MICAL2: variants seen among roughly 807,000 people sequenced by gnomAD.
MICAL2 encodes the protein microtubule associated monooxygenase, calponin and LIM domain containing 2, also known as [F-actin]-monooxygenase MICAL2.
MICAL2 carries 77 observed loss-of-function variants against 127.3 expected under a neutral mutation model. The ratio of observed to expected loss-of-function variants is 0.60; its 90% CI spans 0.50 to 0.73. The LOEUF (loss-of-function observed/expected upper bound fraction) is 0.73, where lower values mean the gene tolerates loss of function less well. Ranked by LOEUF, MICAL2 falls within the 30% of genes least tolerant of loss-of-function variation. MICAL2 has a pLI of 0.00. For synonymous variants in MICAL2, 570 were observed against 551.1 expected, an observed-to-expected ratio of 1.03 and a Z score of -0.48; for missense variants, 1,351 against 1,434.4, an observed-to-expected ratio of 0.94 and a Z score of 0.94.
intron 15 of MICAL2, among the ~76,000 whole-genome samples, chr11:12,230,335 T>C (rs1257948520): frequency 6.6e-6 from 1 of 152,112 alleles, no homozygotes; most frequent in Admixed American, 6.6e-5. Context: ...CAATTACACA[T>C]CTGTACATAA....
chr11:12,143,736 G>A (rs1030687954), intron 2 of MICAL2, among the ~76,000 whole-genome samples: 1 of 152,168 alleles, frequency 6.6e-6, no homozygotes, highest in African/African-American at 2.4e-5. Context: ...TCCAGACAGG[G>A]TCACATAATA....
chr11:12,273,543 T>C (rs1404751777), upstream of MICAL2, among the ~76,000 whole-genome samples: 1 of 93,518 alleles, frequency 1.1e-5, no homozygotes, highest in African/African-American at 3.7e-5. Context: ...GCTGCAGACA[T>C]GTTTTTTTTT....
chr11:12,203,623 A>G, intron 3 of MICAL2, among the ~76,000 whole-genome samples: 1 of 152,150 alleles, frequency 6.6e-6, no homozygotes, highest in East Asian at 1.9e-4. Flanking sequence ...TATTTTTATT[A>G]TTGAGTTGTG....
intron 26 of MICAL2, 110 bp from the exon 27 acceptor site, chr11:12,262,370 A>G: frequency 6.4e-7 from 1 of 1,570,296 alleles, no homozygotes; most frequent in Non-Finnish European, 8.6e-7. Context: ...TCGTGGCCTT[A>G]TTTTCAACTC....
chr11:12,172,427 G>A (rs1030404757), intron 3 of MICAL2, among the ~76,000 whole-genome samples: 10 of 152,194 alleles, frequency 6.6e-5, no homozygotes, highest in Admixed American at 1.3e-4. Context: ...CGATGATTGA[G>A]CTGAGGAAGA....
chr11:12,279,917 A>G (rs1361268413), intron 1 of MICAL2, among the ~76,000 whole-genome samples: 2 of 152,246 alleles, frequency 1.3e-5, no homozygotes, highest in Non-Finnish European at 2.9e-5. Flanking sequence ...GGTCTGCCAT[A>G]GACACAGGTG....
intron 1 of MICAL2, among the ~76,000 whole-genome samples, chr11:12,127,218 T>TA (rs2133519665): frequency 6.6e-6 from 1 of 152,312 alleles, no homozygotes; most frequent in South Asian, 2.1e-4. Flanking sequence ...CATTTCAGTC[T>TA]AGGCATCTCT....
At chr11:12,250,453 G>A (rs1861395021) in intron 22 of MICAL2, among the ~76,000 whole-genome samples, 2 of 152,226 alleles carry the variant, frequency 1.3e-5, no homozygotes, top group African/African-American at 2.4e-5. Flanking sequence ...TCTTTCAGGA[G>A]TCTTTTCCTC....
At chr11:12,192,300 C>G (rs1187740647) in intron 3 of MICAL2, among the ~76,000 whole-genome samples, 1 of 152,172 alleles carries the variant, frequency 6.6e-6, no homozygotes, top group Admixed American at 6.5e-5. Flanking sequence ...TCCTGGGCAC[C>G]CAGGCTCCAG....
At chr11:12,124,563 C>G (rs1398875543) in intron 1 of MICAL2, among the ~76,000 whole-genome samples, 3 of 152,220 alleles carry the variant, frequency 2.0e-5, no homozygotes, top group African/African-American at 7.2e-5. Flanking sequence ...GGCAGCTTAG[C>G]ATCTCATCTG....
In MICAL2 at chr11:12,136,434, G is replaced by A. The variant is rs139036483; in HGVS notation, c.-148-1956G>A. ...TACAGGGTTGCTGGGAGGATTAGCT[G>A]AGGTAGCAGTGTTAACTACCCAAGG... is the stretch of plus-strand genomic sequence containing the variant. On this transcript the variant is annotated intron_variant, in intron 1 of 27. Transcript: ENST00000683283. Among the ~76,000 whole-genome samples the A allele has an allele frequency of 8.6e-3, 1,309 of 152,286 alleles. 9 individuals are homozygous for A. The highest frequency in any genetic ancestry group is 0.014 in the Non-Finnish European group (942 of 68,028).
intron 3 of MICAL2, among the ~76,000 whole-genome samples, chr11:12,163,033 C>A (rs1467028581): frequency 1.3e-5 from 2 of 152,210 alleles, no homozygotes; most frequent in Non-Finnish European, 2.9e-5. Flanking sequence ...CTGTCTCTTT[C>A]TCTTCCTCCT....
At chr11:12,358,149 G>A (rs577369947) in intron 34 of MICAL2, 94 of 706,348 alleles carry the variant, frequency 1.3e-4, no homozygotes, top group African/African-American at 1.1e-3. Context: ...CTCTAAGGGC[G>A]GTTCCTTGGT....
chr11:12,226,650 G>GT (rs1565201913), intron 14 of MICAL2, among the ~76,000 whole-genome samples: 4 of 122,012 alleles, frequency 3.3e-5, no homozygotes, highest in Non-Finnish European at 6.4e-5. Context: ...GTTTGTTTTT[G>GT]GTTTTTTTTT....
chr11:12,176,300 T>A (rs142395104), intron 3 of MICAL2, among the ~76,000 whole-genome samples: 9 of 152,276 alleles, frequency 5.9e-5, no homozygotes, highest in South Asian at 2.1e-4. Flanking sequence ...TATTGTGTGA[T>A]CTTGTATCTT....
chr11:12,201,789 A>G (rs895012188), intron 3 of MICAL2, among the ~76,000 whole-genome samples: 3 of 152,196 alleles, frequency 2.0e-5, no homozygotes, highest in Non-Finnish European at 2.9e-5. Flanking sequence ...CCAAATGCCA[A>G]CAGGACCAAG....
Position 12,187,712 on chromosome 11 carries a change from C to T in MICAL2, c.265-16538C>T, listed in dbSNP as rs1401236582. 3.9e-5 allele frequency among the ~76,000 whole-genome samples: 6 copies of T among 152,104 alleles called. No homozygotes were observed. The East Asian group carries it at 1.2e-3, about 29-fold the overall frequency. ...GGTTCCCGAGAGTGGATGAGTTGTCCGTATCTGTCTTACTTCTCGGCTATC... is the reference window on the plus strand; with the variant it reads ...GGTTCCCGAGAGTGGATGAGTTGTCTGTATCTGTCTTACTTCTCGGCTATC... On this transcript the variant is annotated intron_variant, in intron 3 of 27. Transcript: ENST00000683283.
intron 31 of MICAL2, among the ~76,000 whole-genome samples, chr11:12,326,495 A>G (rs1351455567): frequency 6.6e-6 from 1 of 152,218 alleles, no homozygotes; most frequent in Non-Finnish European, 1.5e-5. Flanking sequence ...GAACCTAAGG[A>G]GAGTATGATG....
chr11:12,314,493 C>G (rs1294391407), intron 29 of MICAL2, among the ~76,000 whole-genome samples: 1 of 141,524 alleles, frequency 7.1e-6, no homozygotes, highest in Non-Finnish European at 1.5e-5. Context: ...TTTTTTTTTT[C>G]TTTGAGATGG....
Sources: allele counts gnomAD v4.1 joint callset (sites outside exome capture counted in the v4.1 genomes callset), GRCh38; gene constraint gnomAD v4.1.1; transcripts MANE v1.5; gene names NCBI Gene and HGNC (gene_info 2026-07-23, HGNC 2026-07-21).